Variants in ROR2 observed in about 807,000 individuals in gnomAD.
ROR2 encodes tyrosine-protein kinase transmembrane receptor ROR2.
A neutral mutation model predicts 74.9 loss-of-function variants in ROR2; 33 were observed. The observed-to-expected ratio is 0.44, with a 90% CI of 0.33 to 0.59. ROR2 has a LOEUF of 0.59. Among genes scored for constraint, ROR2 ranks in the 20% least tolerant of loss-of-function variants. The pLI, the probability that ROR2 is intolerant of heterozygous loss-of-function variation, is 0.02. For synonymous variants in ROR2, 586 were observed against 558.7 expected, an observed-to-expected ratio of 1.05 and a Z score of -0.69; for missense variants, 1,216 against 1,313.8, an observed-to-expected ratio of 0.93 and a Z score of 1.15.
intron 1 of ROR2, among the ~76,000 whole-genome samples, chr9:91,776,505 T>C (rs1204994773): frequency 6.6e-6 from 1 of 152,202 alleles, no homozygotes; most frequent in Admixed American, 6.5e-5. Flanking sequence ...GGGGCAATCC[T>C]ACCATTCTTC....
chr9:91,854,304 A>G (rs565831372), intron 1 of ROR2, among the ~76,000 whole-genome samples: 2 of 152,330 alleles, frequency 1.3e-5, no homozygotes, highest in African/African-American at 2.4e-5. Context: ...CCAAGTCACA[A>G]GGGCGTGGAG....
intron 1 of ROR2, among the ~76,000 whole-genome samples, chr9:91,855,252 A>C (rs987042516): frequency 2.0e-5 from 3 of 152,162 alleles, no homozygotes; most frequent in African/African-American, 7.2e-5. Context: ...CCTAGAGTCC[A>C]TCCATCCTCA....
chr9:91,903,593 A>G lies in ROR2; in HGVS notation c.97+46274T>C, dbSNP rs1587834878. 3.3e-5 allele frequency among the ~76,000 whole-genome samples: 5 copies of G among 152,284 alleles called. 1 individual carries two copies. Among genetic ancestry groups the G allele is most frequent in the Admixed American group, 3.3e-4 (5 of 15,304 alleles). ...CAACCCCAACCTAAATATTTTCTGT[A>G]AAGGGAAGAACAAAGATTTTCTCCT... On this transcript the variant is annotated intron_variant, in intron 1 of 8. Coordinates refer to ENST00000375708, the MANE Select transcript of ROR2 (RefSeq NM_004560.4).
intron 1 of ROR2, among the ~76,000 whole-genome samples, chr9:91,898,610 C>G (rs1830595631): frequency 6.6e-6 from 1 of 152,182 alleles, no homozygotes; most frequent in Admixed American, 6.5e-5. Context: ...ACACAGAGCC[C>G]CACTTCCCCA....
At chr9:91,746,662 G>A (rs904761791) in intron 4 of ROR2, among the ~76,000 whole-genome samples, 63 of 152,214 alleles carry the variant, frequency 4.1e-4, no homozygotes, top group African/African-American at 1.4e-3. Flanking sequence ...GAGCTGGGGA[G>A]ATAAGTCAGA....
chr9:91,823,928 C>T (rs1828210319), intron 1 of ROR2, among the ~76,000 whole-genome samples: 1 of 152,218 alleles, frequency 6.6e-6, no homozygotes, highest in South Asian at 2.1e-4. Flanking sequence ...AGCGGTTCCT[C>T]TAAGATCCTT....
At chr9:91,744,359 C>G (rs1404735698) in intron 4 of ROR2, among the ~76,000 whole-genome samples, 1 of 151,332 alleles carries the variant, frequency 6.6e-6, no homozygotes, top group Non-Finnish European at 1.5e-5. Flanking sequence ...GTAGCTGGGA[C>G]TACAGGCAGT....
intron 2 of ROR2, among the ~76,000 whole-genome samples, chr9:91,764,032 T>C (rs1408333210): frequency 6.6e-6 from 1 of 152,244 alleles, no homozygotes; most frequent in Non-Finnish European, 1.5e-5. Context: ...TTTTAATATG[T>C]TTATCTACTA....
intron 1 of ROR2, among the ~76,000 whole-genome samples, chr9:91,868,089 T>C (rs1365930806): frequency 1.3e-5 from 2 of 152,056 alleles, no homozygotes; most frequent in African/African-American, 2.4e-5. Flanking sequence ...AAGACTTCAA[T>C]ACAACTATTA....
chr9:91,844,991 G>A (rs996413282), intron 1 of ROR2, among the ~76,000 whole-genome samples: 4 of 152,124 alleles, frequency 2.6e-5, no homozygotes, highest in Admixed American at 6.5e-5. Context: ...GCCAGACAAA[G>A]CAAAATGCAT....
At chr9:91,909,043 C>A (rs930443136) in intron 1 of ROR2, among the ~76,000 whole-genome samples, 10 of 152,162 alleles carry the variant, frequency 6.6e-5, no homozygotes, top group African/African-American at 2.4e-4. Flanking sequence ...TGCAAAGCAC[C>A]GGAGTCCACA....
intron 4 of ROR2, among the ~76,000 whole-genome samples, chr9:91,752,957 CTA>C (rs1317456038): frequency 6.6e-6 from 1 of 152,114 alleles, no homozygotes; most frequent in Admixed American, 6.5e-5. Flanking sequence ...CAGGAGCCCA[CTA>C]TAAAATTCTT....
chr9:91,839,249 GGGGTGTGTGTGTGTGTGT>G (rs1174106216), intron 1 of ROR2, among the ~76,000 whole-genome samples: 46 of 132,662 alleles, frequency 3.5e-4, no homozygotes, highest in East Asian at 2.6e-3. Flanking sequence ...TGTCAGATCG[GGGGTGTGTGTGTGTGTGT>G]GTGTGTGTGT....
At chr9:91,822,870 T>G (rs1828175397) in intron 1 of ROR2, among the ~76,000 whole-genome samples, 1 of 152,038 alleles carries the variant, frequency 6.6e-6, no homozygotes, top group Admixed American at 6.6e-5. Flanking sequence ...CTCCAATAAG[T>G]CTTCTGGCCA....
chr9:91,862,459 A>C (rs1284299712), intron 1 of ROR2, among the ~76,000 whole-genome samples: 1 of 152,076 alleles, frequency 6.6e-6, no homozygotes, highest in Non-Finnish European at 1.5e-5. Flanking sequence ...AGAGTTCAGA[A>C]ACAGCCTCGT....
chr9:91,909,944 C>T (rs1830932417), intron 1 of ROR2, among the ~76,000 whole-genome samples: 1 of 139,282 alleles, frequency 7.2e-6, no homozygotes, highest in African/African-American at 2.7e-5. Context: ...TCACTATAAC[C>T]TCCGCCTCCC....
In ROR2 at chr9:91,896,155, T is replaced by C. The variant is rs528256053; in HGVS notation, c.97+53712A>G. On this transcript the variant is annotated intron_variant, in intron 1 of 8. Transcript: ENST00000375708. Reference sequence around the variant, plus strand: ...TTTCCAAAATCTGTCTTCCTTCCTCTAGAAGAGAAATTCACGCAGTGCATA... The same window carrying C: ...TTTCCAAAATCTGTCTTCCTTCCTCCAGAAGAGAAATTCACGCAGTGCATA... Among the ~76,000 whole-genome samples the C allele has an allele frequency of 7.9e-5, 12 of 152,346 alleles. No homozygotes were observed. In the South Asian group the frequency reaches 2.5e-3, roughly 32 times the overall value.
intron 1 of ROR2, among the ~76,000 whole-genome samples, chr9:91,907,545 A>G (rs192353403): frequency 6.5e-4 from 99 of 152,284 alleles, no homozygotes; most frequent in Non-Finnish European, 1.1e-3. Context: ...TATTTTTAAA[A>G]GGGGGATCAA....
At chr9:91,766,030 T>G (rs1215696288) in intron 2 of ROR2, among the ~76,000 whole-genome samples, 1 of 152,200 alleles carries the variant, frequency 6.6e-6, no homozygotes, top group Non-Finnish European at 1.5e-5. Flanking sequence ...TCCATCAGGA[T>G]TTCCCTATCC....
Sources: allele counts gnomAD v4.1 joint callset (sites outside exome capture counted in the v4.1 genomes callset), GRCh38; gene constraint gnomAD v4.1.1; transcripts MANE v1.5; gene names NCBI Gene and HGNC (gene_info 2026-07-23, HGNC 2026-07-21).